LITAF: variants seen among roughly 807,000 people sequenced by gnomAD.
LITAF encodes the protein lipopolysaccharide-induced tumor necrosis factor-alpha factor.
In LITAF, 9 loss-of-function variants were observed where a neutral mutation model predicts 14.5. That is an observed-to-expected ratio of 0.62 (90% CI 0.37 to 1.08). The LOEUF (loss-of-function observed/expected upper bound fraction) is 1.08. Among genes scored for constraint, LITAF ranks in the 50% least tolerant of loss-of-function variants. The probability of loss-of-function intolerance (pLI) is 0.01; values close to 1 mark genes in which losing one functional copy is unlikely to be tolerated. For missense variants in LITAF, 206 were observed against 213.4 expected, an observed-to-expected ratio of 0.97 and a Z score of 0.22; for synonymous variants, 98 against 88.2, an observed-to-expected ratio of 1.11 and a Z score of -0.62.
Position 11,577,314 on chromosome 16 carries a change from CTA to C in LITAF, c.-6+9570_-6+9571del, listed in dbSNP as rs539921109. Among the ~76,000 whole-genome samples, 4 of 113,276 alleles carry C rather than the reference CTA, an allele frequency of 3.5e-5. No individual in the cohort carries two copies. In the Admixed American group the frequency reaches 4.5e-4, roughly 13 times the overall value. The allele number at this position is 113,276 out of a possible 152,430, so 74.3% of individuals were successfully genotyped here. A position where few individuals can be genotyped will look rare whatever the true frequency, so the allele number is the denominator to read the frequency against. ...TATGGCATCAGCTCATTAGAAGTGT[CTA>C]TTTTTTTTTTTTTTTTTTTGAGACG... is the stretch of plus-strand genomic sequence containing the variant. On this transcript the variant is annotated intron_variant, in intron 1 of 3. Transcript: ENST00000622633.
chr16:11,577,428 C>T (rs944490940), intron 1 of LITAF, among the ~76,000 whole-genome samples: 1 of 150,896 alleles, frequency 6.6e-6, no homozygotes, highest in East Asian at 2.0e-4. Context: ...AGCAATTGTC[C>T]TGCCTCAGCC....
chr16:11,613,668 G>A (rs2064997537), intron 3 of LITAF, among the ~76,000 whole-genome samples: 1 of 152,246 alleles, frequency 6.6e-6, no homozygotes, highest in Non-Finnish European at 1.5e-5. Context: ...CCAGAGTTAG[G>A]TGGGAGAGGA....
intron 3 of LITAF, among the ~76,000 whole-genome samples, chr16:11,550,943 G>C (rs1001364190): frequency 6.6e-6 from 1 of 152,184 alleles, no homozygotes; most frequent in African/African-American, 2.4e-5. Context: ...CTGGCTCCAG[G>C]GTCGTTTTGC....
At chr16:11,587,128 A>AC (rs2064817062), upstream of LITAF, 1 of 262,648 alleles carries the variant, frequency 3.8e-6, no homozygotes, top group Non-Finnish European at 7.6e-6. Flanking sequence ...CTCGCTCGCC[A>AC]CCCCAGAGCT....
At chr16:11,635,641 C>T (rs8059841) in intron 2 of LITAF, among the ~76,000 whole-genome samples, 97,500 of 152,052 alleles carry the variant, frequency 0.64, 32,970 homozygotes, top group East Asian at 0.85. Flanking sequence ...GACCCCATAT[C>T]TGTCTCTCTG....
intron 3 of LITAF, among the ~76,000 whole-genome samples, chr16:11,613,337 CG>C (rs2141881125): frequency 6.6e-6 from 1 of 152,286 alleles, no homozygotes; most frequent in South Asian, 2.1e-4. Context: ...ACGGGACACT[CG>C]CATTGACAGA....
chr16:11,577,081 T>A (rs2064648201), intron 1 of LITAF, among the ~76,000 whole-genome samples: 1 of 152,196 alleles, frequency 6.6e-6, no homozygotes, highest in South Asian at 2.1e-4. Flanking sequence ...TCCTCCTGCA[T>A]CCTAATTGCT....
Position 11,556,693 on chromosome 16 carries a change from G to A in LITAF, c.38C>T (p.Pro13Leu). ...VPGPYQAATG[P>L]SSAPSAPPSY... The stretch of plus-strand genomic sequence containing the variant: ...TGGAGGTGCGGATGGTGCTGAGGAA[G>A]GCCCAGTGGCCGCCTGGTAAGGTCC... The change falls in exon 2 of 4, where the codon CCT (proline) becomes CTT (leucine). Residue 13 changes from proline to leucine, a missense_variant. Physicochemically the swap from Pro to Leu is moderately conservative, Grantham distance 98. Transcript: ENST00000622633. 6.2e-7 allele frequency: 1 copy of A among 1,614,172 alleles called. No homozygotes were observed. Among genetic ancestry groups the A allele is most frequent in the Non-Finnish European group, 8.5e-7 (1 of 1,180,024 alleles).
Position 11,547,834 on chromosome 16 carries a change from C to T in LITAF, c.*1803G>A, listed in dbSNP as rs1237797056. Reference sequence around the variant, plus strand: ...AATCTGACTCGTTAGCAAATCCACCCAACTCAACATCGGTCATCTTGACAT... The same window carrying T: ...AATCTGACTCGTTAGCAAATCCACCTAACTCAACATCGGTCATCTTGACAT... On this transcript the variant is annotated 3_prime_UTR_variant, in exon 4 of 4. Transcript: ENST00000622633. 2.2e-6 allele frequency: 1 copy of T among 453,980 alleles called. No homozygotes were observed. Among genetic ancestry groups the T allele is most frequent in the African/African-American group, 2.0e-5 (1 of 50,006 alleles). 28.1% of individuals were successfully genotyped at this position (453,980 alleles called of 1,614,324 possible).
At chr16:11,587,608 T>C, upstream of LITAF, 1 of 271,444 alleles carries the variant, frequency 3.7e-6, no homozygotes, top group South Asian at 3.1e-5. Flanking sequence ...CTGTCCGCTT[T>C]GTGCCCCCAG....
intron 3 of LITAF, among the ~76,000 whole-genome samples, chr16:11,608,189 G>A (rs536671647): frequency 6.6e-6 from 1 of 152,212 alleles, no homozygotes; most frequent in Non-Finnish European, 1.5e-5. Flanking sequence ...CCCCACTGGG[G>A]TTCAGAGAAG....
Position 11,632,340 on chromosome 16 carries a change from C to G in LITAF, c.85+1193G>C, listed in dbSNP as rs985715980. Among the ~76,000 whole-genome samples, 1 of 152,022 alleles carries G rather than the reference C, an allele frequency of 6.6e-6. No individual in the cohort carries two copies. The highest frequency in any genetic ancestry group is 2.4e-5 in the African/African-American group (1 of 41,386). On this transcript the variant is annotated intron_variant, in intron 3 of 3. Transcript: ENST00000574848. This position sits in a 1 kb window ranked among gnomAD's most constrained non-coding sequence, Gnocchi z 4.8. ...GACTGAGAAAGGTGAGGACGACTGG[C>G]TCAACCCTGGAGAGAAGGTGAAGGA...
chr16:11,553,440 G>A lies in LITAF; in HGVS notation c.377+93C>T. On this transcript the variant is annotated intron_variant, in intron 3 of 3. Coordinates refer to ENST00000622633, the MANE Select transcript of LITAF (RefSeq NM_001136472.2). This position sits in a 1 kb window ranked among gnomAD's most constrained non-coding sequence, Gnocchi z 7.7. Reference sequence around the variant, plus strand: ...AAAAACAACACAAATGTCTGGCCCTGAATGTCAAGCATGGTGCAGTTGAGA... The same window carrying A: ...AAAAACAACACAAATGTCTGGCCCTAAATGTCAAGCATGGTGCAGTTGAGA... 1 of 1,350,082 alleles carries A rather than the reference G, an allele frequency of 7.4e-7. No homozygotes were observed. Among genetic ancestry groups the A allele is most frequent in the Non-Finnish European group, 1.0e-6 (1 of 960,368 alleles). 83.6% of individuals were successfully genotyped at this position (1,350,082 alleles called of 1,614,324 possible). A position where few individuals can be genotyped will look rare whatever the true frequency, so the allele number is the denominator to read the frequency against.
At position 11,553,106 on chromosome 16, in the gene LITAF, A is replaced by C. The variant is rs968031702; in HGVS notation, c.377+427T>G. ...CTCCAGCCTGGGCAACAGAGTGAGA[A>C]TCCATCACAAAAAAAGAAAGAAATG... On this transcript the variant is annotated intron_variant, in intron 3 of 3. Coordinates refer to ENST00000622633, the MANE Select transcript of LITAF (RefSeq NM_001136472.2). The surrounding 1 kb of genome is among the most constrained non-coding windows in gnomAD (Gnocchi z 7.7). Among the ~76,000 whole-genome samples, 21 of 150,806 alleles carry C rather than the reference A, an allele frequency of 1.4e-4. 1 individual carries two copies. The highest frequency in any genetic ancestry group is 4.6e-4 in the African/African-American group (19 of 40,972).
upstream of LITAF, among the ~76,000 whole-genome samples, chr16:11,598,708 A>T (rs2064908801): frequency 6.6e-6 from 1 of 152,158 alleles, no homozygotes; most frequent in African/African-American, 2.4e-5. Flanking sequence ...GACCTGAGCC[A>T]GCGCCTCCCT....
rs1196299403 is a variant in LITAF at position 11,586,690 on chromosome 16, G to T, written c.-6+196C>A. ...ACGCGGCCGGGACCAGCGCTGGGAG[G>T]CCGGACCCCGCCCCGGCCGGGCCCC... On this transcript the variant is annotated intron_variant, in intron 1 of 3. Transcript: ENST00000622633. This position sits in a 1 kb window ranked among gnomAD's most constrained non-coding sequence, Gnocchi z 6.5. Among the ~76,000 whole-genome samples the T allele has an allele frequency of 1.3e-5, 2 of 151,320 alleles. No homozygotes were observed. The highest frequency in any genetic ancestry group is 4.1e-4 in the South Asian group (2 of 4,828).
intron 3 of LITAF, among the ~76,000 whole-genome samples, chr16:11,612,225 G>A (rs944313347): frequency 2.0e-5 from 3 of 152,188 alleles, no homozygotes; most frequent in African/African-American, 7.2e-5. Context: ...GGTTTGCTCA[G>A]CCCAGATCTA....
Position 11,548,329 on chromosome 16 carries a change from A to G in LITAF, c.*1308T>C. On this transcript the variant is annotated 3_prime_UTR_variant, in exon 4 of 4. Transcript: ENST00000622633. ...CTGGCTTGCTGCTTGAGTCCTAGAA[A>G]TCATGTCTTCTCATGTTTTACAACA... The G allele has an allele frequency of 2.2e-6, 1 of 454,044 alleles. No individual in the cohort carries two copies. The highest frequency in any genetic ancestry group is 1.6e-5 in the South Asian group (1 of 64,464). The allele number at this position is 454,044 out of a possible 1,614,324, so 28.1% of individuals were successfully genotyped here. A position where few individuals can be genotyped will look rare whatever the true frequency, so the allele number is the denominator to read the frequency against.
chr16:11,610,780 A>G (rs1465385684), intron 3 of LITAF, among the ~76,000 whole-genome samples: 1 of 152,128 alleles, frequency 6.6e-6, no homozygotes, highest in Non-Finnish European at 1.5e-5. Context: ...AACTCAGACA[A>G]CCATTCAAGG....
Sources: allele counts gnomAD v4.1 joint callset (sites outside exome capture counted in the v4.1 genomes callset), GRCh38; gene constraint gnomAD v4.1.1; non-coding constraint Gnocchi (gnomAD v3.1); transcripts MANE v1.5; gene names NCBI Gene and HGNC (gene_info 2026-07-23, HGNC 2026-07-21).